The following CSMD1 variants were observed in gnomAD, a reference collection of about 807,000 sequenced individuals.
CSMD1 encodes the protein CUB and sushi domain-containing protein 1.
In CSMD1, 213 loss-of-function variants were observed where a neutral mutation model predicts 417.5. The observed-to-expected ratio is 0.51, with a 90% CI of 0.46 to 0.57. CSMD1 has a LOEUF of 0.57. Ranked by LOEUF, CSMD1 falls within the 20% of genes least tolerant of loss-of-function variation. CSMD1 has a pLI of 0.00. For missense variants in CSMD1, 6,923 were observed against 4,529.7 expected (o/e 1.53, Z -15.17); for synonymous variants, 2,862 against 1,736.8 (o/e 1.65, Z -16.11).
At chr8:3,869,995 G>C (rs569375094) in intron 5 of CSMD1, among the ~76,000 whole-genome samples, 3 of 152,116 alleles carry the variant, frequency 2.0e-5, no homozygotes, top group Non-Finnish European at 4.4e-5. Flanking sequence ...TACATAACTA[G>C]AGGAAAAGTG....
chr8:4,915,042 G>A lies in CSMD1; in HGVS notation c.85+79290C>T, dbSNP rs544576410. Among the ~76,000 whole-genome samples the A allele has an allele frequency of 3.3e-5, 5 of 152,288 alleles. No individual in the cohort carries two copies. The South Asian group carries it at 1.0e-3, about 32-fold the overall frequency. On this transcript the variant is annotated intron_variant, in intron 1 of 69. Coordinates refer to ENST00000635120, the MANE Select transcript of CSMD1 (RefSeq NM_033225.6). ...ATTAGATATGAGAAACTGCACGTGT[G>A]GAGGGAATAGAAATTGAATTAAATA...
intron 49 of CSMD1, among the ~76,000 whole-genome samples, chr8:3,062,991 G>A (rs188725222): frequency 6.6e-6 from 1 of 152,224 alleles, no homozygotes; most frequent in East Asian, 1.9e-4. Flanking sequence ...AAAAGCTGGA[G>A]GAACGTAAAG....
intron 1 of CSMD1, among the ~76,000 whole-genome samples, chr8:4,708,665 A>C (rs1028098721): frequency 2.0e-5 from 3 of 151,164 alleles, no homozygotes; most frequent in Non-Finnish European, 4.4e-5. Flanking sequence ...CACCATCCTA[A>C]CCAGATTCAT....
chr8:3,905,438 G>A (rs1279746378), intron 5 of CSMD1, among the ~76,000 whole-genome samples: 1 of 152,202 alleles, frequency 6.6e-6, no homozygotes. Context: ...AAGTCACTGT[G>A]CAATGTAAGA....
At chr8:3,278,062 G>C (rs1049491510) in intron 26 of CSMD1, among the ~76,000 whole-genome samples, 2 of 152,096 alleles carry the variant, frequency 1.3e-5, no homozygotes, top group Non-Finnish European at 2.9e-5. Flanking sequence ...AGCCCTCCTG[G>C]CATCTGATCT....
At chr8:3,346,816 T>C (rs1325021206) in intron 22 of CSMD1, among the ~76,000 whole-genome samples, 1 of 152,234 alleles carries the variant, frequency 6.6e-6, no homozygotes, top group African/African-American at 2.4e-5. Context: ...CTAAAATGCA[T>C]CATTATGTGC....
intron 4 of CSMD1, among the ~76,000 whole-genome samples, chr8:4,000,177 C>A (rs778922414): frequency 1.3e-5 from 2 of 151,848 alleles, no homozygotes; most frequent in Middle Eastern, 3.2e-3. Context: ...GCACAACTGC[C>A]CAGCTCGCCG....
intron 25 of CSMD1, among the ~76,000 whole-genome samples, chr8:3,287,487 G>T (rs1803248296): frequency 6.6e-6 from 1 of 152,080 alleles, no homozygotes; most frequent in African/African-American, 2.4e-5. Flanking sequence ...TTGAGCAGTG[G>T]TTTGTAGTTC....
At chr8:4,098,139 A>G (rs1221023508) in intron 3 of CSMD1, among the ~76,000 whole-genome samples, 1 of 152,218 alleles carries the variant, frequency 6.6e-6, no homozygotes, top group Non-Finnish European at 1.5e-5. Context: ...GATTTCATAT[A>G]AAACCCTTGT....
chr8:4,252,260 T>G (rs545575228), intron 3 of CSMD1, among the ~76,000 whole-genome samples: 9 of 152,232 alleles, frequency 5.9e-5, no homozygotes, highest in Non-Finnish European at 1.3e-4. Flanking sequence ...TTCAGCCTTC[T>G]GCCCATCTTT....
intron 2 of CSMD1, among the ~76,000 whole-genome samples, chr8:4,541,879 A>G (rs2130517994): frequency 6.6e-6 from 1 of 152,306 alleles, no homozygotes; most frequent in East Asian, 1.9e-4. Flanking sequence ...GAAGGGATGG[A>G]GGCTGGAGGC....
intron 3 of CSMD1, among the ~76,000 whole-genome samples, chr8:4,276,120 G>T (rs1393347018): frequency 6.6e-6 from 1 of 151,924 alleles, no homozygotes; most frequent in Non-Finnish European, 1.5e-5. Context: ...CCCATTAGTG[G>T]GTATATACCC....
intron 5 of CSMD1, among the ~76,000 whole-genome samples, chr8:3,989,353 T>C (rs76339179): frequency 2.0e-5 from 3 of 152,210 alleles, no homozygotes; most frequent in South Asian, 2.1e-4. Context: ...TTAGCAACTA[T>C]GCTTTTATGG....
intron 1 of CSMD1, among the ~76,000 whole-genome samples, chr8:4,718,965 T>C (rs1218727889): frequency 2.0e-5 from 3 of 152,188 alleles, no homozygotes; most frequent in Non-Finnish European, 2.9e-5. Context: ...ACGTTCATTA[T>C]ATATTGATAT....
chr8:4,941,688 C>T (rs915528257), intron 1 of CSMD1, among the ~76,000 whole-genome samples: 8 of 151,970 alleles, frequency 5.3e-5, no homozygotes, highest in Non-Finnish European at 1.2e-4. Context: ...AGCCTCGATC[C>T]CTCTAGCTCA....
chr8:4,646,388 G>C (rs1322393298), intron 1 of CSMD1, among the ~76,000 whole-genome samples: 1 of 152,150 alleles, frequency 6.6e-6, no homozygotes, highest in African/African-American at 2.4e-5. Flanking sequence ...TTTAATACGG[G>C]TGAAGCCAGA....
chr8:4,452,556 A>G (rs1430747780), intron 2 of CSMD1, among the ~76,000 whole-genome samples: 3 of 152,206 alleles, frequency 2.0e-5, no homozygotes, highest in East Asian at 1.9e-4. Flanking sequence ...ACTTTTTCCA[A>G]TCATTTTTAT....
intron 26 of CSMD1, among the ~76,000 whole-genome samples, chr8:3,269,201 C>T (rs1417343687): frequency 6.6e-6 from 1 of 152,242 alleles, no homozygotes; most frequent in African/African-American, 2.4e-5. Flanking sequence ...GGACGGAAAG[C>T]TGAATGCAGC....
At chr8:3,735,536 A>T (rs1321744770) in intron 6 of CSMD1, among the ~76,000 whole-genome samples, 4 of 152,208 alleles carry the variant, frequency 2.6e-5, no homozygotes, top group Non-Finnish European at 5.9e-5. Flanking sequence ...ACACAGTAAA[A>T]AGCAAATTCT....
Sources: gnomAD v4.1 joint callset for allele counts (sites outside exome capture counted in the v4.1 genomes callset) on GRCh38, gnomAD v4.1.1 for gene constraint, MANE v1.5 for transcripts, NCBI Gene and HGNC (gene_info 2026-07-23, HGNC 2026-07-21) for gene names.